RARB: variants seen among roughly 807,000 people sequenced by gnomAD.
The protein encoded by RARB is HBV-activated protein.
Under a neutral mutation model 51.9 loss-of-function variants are expected in RARB, and 17 were observed. That is an observed-to-expected ratio of 0.33 (90% CI 0.22 to 0.49). The LOEUF (loss-of-function observed/expected upper bound fraction) is 0.49, where lower values mean the gene tolerates loss of function less well. RARB is among the 20% of genes least tolerant of loss of function. The probability of loss-of-function intolerance (pLI) is 0.99; values close to 1 mark genes in which losing one functional copy is unlikely to be tolerated. For missense variants in RARB, 369 were observed against 550.8 expected (o/e 0.67, Z 3.30); for synonymous variants, 215 against 195.4 (o/e 1.10, Z -0.84).
At chr3:25,350,720 T>C (rs565699515) in intron 5 of RARB, among the ~76,000 whole-genome samples, 75 of 152,324 alleles carry the variant, frequency 4.9e-4, no homozygotes, top group Middle Eastern at 3.4e-3. Flanking sequence ...AAATATTTAT[T>C]GCATGAATGA....
intron 3 of RARB, among the ~76,000 whole-genome samples, chr3:25,540,429 A>G (rs925576553): frequency 6.6e-6 from 1 of 152,206 alleles, no homozygotes; most frequent in Non-Finnish European, 1.5e-5. Flanking sequence ...CCAACTAGCT[A>G]AACTCTCTAG....
At position 25,503,492 on chromosome 3, in the gene RARB, TA is replaced by T. The variant is rs562023445; in HGVS notation, c.448+2174del. 5.3e-5 allele frequency among the ~76,000 whole-genome samples: 8 copies of T among 152,252 alleles called. No homozygotes were observed. In the South Asian group the frequency reaches 1.7e-3, roughly 32 times the overall value. On this transcript the variant is annotated intron_variant, in intron 3 of 7. Transcript: ENST00000330688. The stretch of plus-strand genomic sequence containing the variant: ...TTAAAACCCATATCCTGCTGCTCTG[TA>T]AAAACTGGCAGCTTGGTTGGCAATT...
At chr3:25,248,255 A>G (rs1158362327) in intron 5 of RARB, among the ~76,000 whole-genome samples, 1 of 152,058 alleles carries the variant, frequency 6.6e-6, no homozygotes, top group Non-Finnish European at 1.5e-5. Flanking sequence ...TTCAATCTAT[A>G]TGTCTTTAAG....
intron 2 of RARB, among the ~76,000 whole-genome samples, chr3:24,963,873 C>G (rs1696196828): frequency 6.7e-6 from 1 of 149,574 alleles, no homozygotes; most frequent in Non-Finnish European, 1.5e-5. Flanking sequence ...AGAGACAAGT[C>G]CAACTGCATT....
chr3:24,844,890 T>G (rs1282389426), intron 1 of RARB, among the ~76,000 whole-genome samples: 4 of 152,146 alleles, frequency 2.6e-5, no homozygotes, highest in African/African-American at 9.7e-5. Context: ...TTTGGAGCCA[T>G]CCCACCTCAC....
Position 25,202,757 on chromosome 3 carries a change from C to A in RARB, c.178+28182C>A, listed in dbSNP as rs149419475. On this transcript the variant is annotated intron_variant, in intron 5 of 11. Coordinates refer to the RARB transcript ENST00000383772. ...TAGTTGAGCAGTTTTGAGTGAGTTT[C>A]TTAATCCTGAGTTCTAGTTTGATTG... is the stretch of plus-strand genomic sequence containing the variant. 2.7e-3 allele frequency among the ~76,000 whole-genome samples: 404 copies of A among 152,298 alleles called. 2 individuals carry two copies. The highest frequency in any genetic ancestry group is 9.3e-3 in the African/African-American group (388 of 41,556).
chr3:25,456,546 T>C (rs1413775783), intron 1 of RARB, among the ~76,000 whole-genome samples: 2 of 140,428 alleles, frequency 1.4e-5, no homozygotes, highest in Non-Finnish European at 3.1e-5. Flanking sequence ...TGACAGACTA[T>C]ACCACTGATT....
intron 1 of RARB, among the ~76,000 whole-genome samples, chr3:25,444,175 T>G (rs1708827760): frequency 1.3e-5 from 2 of 152,162 alleles, no homozygotes; most frequent in African/African-American, 4.8e-5. Flanking sequence ...TATCCCCACT[T>G]TGCAGACGCA....
At chr3:25,389,242 C>CT (rs1177436690) in intron 5 of RARB, among the ~76,000 whole-genome samples, 1 of 152,110 alleles carries the variant, frequency 6.6e-6, no homozygotes, top group Non-Finnish European at 1.5e-5. Flanking sequence ...CCTTACCTTC[C>CT]TTTTTTTAGA....
rs150062661 is a variant in RARB at position 25,166,541 on chromosome 3, A to G, written c.-279-7578A>G. On this transcript the variant is annotated intron_variant, in intron 4 of 11. Transcript: ENST00000383772. ...CCCACACCAAGTTCTAAATCAGCCA[A>G]AGAAGTACAAAAGAATTTGTTGTAC... Among the ~76,000 whole-genome samples, 65 of 152,346 alleles carry G rather than the reference A, an allele frequency of 4.3e-4. 1 individual carries two copies. The highest frequency in any genetic ancestry group is 3.8e-3 in the Admixed American group (58 of 15,300).
intron 3 of RARB, among the ~76,000 whole-genome samples, chr3:25,539,192 G>C (rs902787590): frequency 6.6e-6 from 1 of 152,140 alleles, no homozygotes; most frequent in Admixed American, 6.5e-5. Context: ...AGAGACCTAA[G>C]GGAAACCGCA....
chr3:25,342,285 T>G (rs1705252108), intron 5 of RARB, among the ~76,000 whole-genome samples: 1 of 152,226 alleles, frequency 6.6e-6, no homozygotes, highest in Non-Finnish European at 1.5e-5. Flanking sequence ...TATAACATTT[T>G]TAATTTATAG....
At chr3:25,171,642 G>GGAAAAAAAAAAA (rs1559491263) in intron 4 of RARB, among the ~76,000 whole-genome samples, 4 of 2,358 alleles carry the variant, frequency 1.7e-3, no homozygotes, top group East Asian at 0.028. Flanking sequence ...TCCCTGGTTG[G>GGAAAAAAAAAAA]TAAAAAAAAA....
At chr3:24,879,382 TCG>T (rs1491493437) in intron 2 of RARB, among the ~76,000 whole-genome samples, 43 of 151,070 alleles carry the variant, frequency 2.8e-4, no homozygotes, top group Non-Finnish European at 5.2e-4. Flanking sequence ...TGAGGCGAGA[TCG>T]CATCACTGCA....
chr3:25,165,194 C>A (rs1048500352), intron 4 of RARB, among the ~76,000 whole-genome samples: 1 of 152,142 alleles, frequency 6.6e-6, no homozygotes, highest in African/African-American at 2.4e-5. Context: ...AAGCCAAACT[C>A]AGAAGCACAG....
At chr3:25,172,106 G>C (rs1304749136) in intron 4 of RARB, among the ~76,000 whole-genome samples, 7 of 152,162 alleles carry the variant, frequency 4.6e-5, no homozygotes, top group Non-Finnish European at 1.0e-4. Context: ...CGGAGTACTA[G>C]GGGGCCTGGG....
intron 2 of RARB, among the ~76,000 whole-genome samples, chr3:24,900,609 T>G (rs552018625): frequency 6.6e-6 from 1 of 152,304 alleles, no homozygotes; most frequent in East Asian, 1.9e-4. Context: ...GCTTAATAAT[T>G]ATCTAATTTG....
intron 2 of RARB, among the ~76,000 whole-genome samples, chr3:25,477,163 G>C (rs569542067): frequency 7.8e-4 from 119 of 152,324 alleles, no homozygotes; most frequent in African/African-American, 2.8e-3. Flanking sequence ...GAATGAAAAT[G>C]TCAATAGGCA....
chr3:25,405,056 T>G (rs572015456), intron 5 of RARB, among the ~76,000 whole-genome samples: 1 of 152,308 alleles, frequency 6.6e-6, no homozygotes, highest in Admixed American at 6.5e-5. Context: ...TAAATGGCAT[T>G]TGCAGGTTTC....
Sources: gnomAD v4.1 joint callset for allele counts (sites outside exome capture counted in the v4.1 genomes callset) on GRCh38, gnomAD v4.1.1 for gene constraint, MANE v1.5 for transcripts, NCBI Gene and HGNC (gene_info 2026-07-23, HGNC 2026-07-21) for gene names.